The following PCDH15 variants were observed in gnomAD, a reference collection of about 807,000 sequenced individuals.
PCDH15 encodes the protein protocadherin related 15, also known as protocadherin-15.
PCDH15 carries 129 observed loss-of-function variants against 178.5 expected under a neutral mutation model. That is an observed-to-expected ratio of 0.72 (90% CI 0.63 to 0.84). PCDH15 has a LOEUF of 0.84. Among genes scored for constraint, PCDH15 ranks in the 40% least tolerant of loss-of-function variants. The probability of loss-of-function intolerance (pLI) is 0.00; values close to 1 mark genes in which losing one functional copy is unlikely to be tolerated. For synonymous variants in PCDH15, 800 were observed against 732.0 expected, an observed-to-expected ratio of 1.09 and a Z score of -1.50; for missense variants, 2,230 against 2,099.9, an observed-to-expected ratio of 1.06 and a Z score of -1.21.
chr10:54,037,253 GA>G (rs1187286801), intron 18 of PCDH15, among the ~76,000 whole-genome samples: 3 of 151,814 alleles, frequency 2.0e-5, no homozygotes, highest in Non-Finnish European at 2.9e-5. Context: ...CTCCAATTCT[GA>G]AAAAAACTTA....
chr10:54,062,260 C>CAAAAAAAAAAAAAAAAAAAAAAAAA (rs1449179864), intron 18 of PCDH15, among the ~76,000 whole-genome samples: 1 of 74,402 alleles, frequency 1.3e-5, no homozygotes, highest in East Asian at 4.1e-4. Flanking sequence ...AAACAAAAAA[C>CAAAAAAAAAAAAAAAAAAAAAAAAA]AACTAAATGA....
rs1372029669 is a variant in PCDH15 at position 54,421,863 on chromosome 10, ACACACAC to A, written c.158-42928_158-42922del. 1.6e-3 allele frequency among the ~76,000 whole-genome samples: 139 copies of A among 88,824 alleles called. 4 individuals are homozygous for A. Among genetic ancestry groups the A allele is most frequent in the African/African-American group, 7.2e-3 (129 of 17,826 alleles). The allele number at this position is 88,824 out of a possible 152,430, so 58.3% of individuals were successfully genotyped here. On this transcript the variant is annotated intron_variant, in intron 3 of 37. Coordinates refer to ENST00000644397, the MANE Select transcript of PCDH15 (RefSeq NM_001384140.1). ...ACACACACACTATATATATATATAT[ACACACAC>A]TATATATATATATACACACACACAC...
At chr10:54,814,912 C>A (rs1466447199) in intron 3 of PCDH15, among the ~76,000 whole-genome samples, 1 of 152,080 alleles carries the variant, frequency 6.6e-6, no homozygotes, top group Non-Finnish European at 1.5e-5. Context: ...TACCACCTCC[C>A]AGACATTGGA....
At chr10:53,808,924 C>T in intron 37 of PCDH15, 3 of 1,568,220 alleles carry the variant, frequency 1.9e-6, no homozygotes, top group Non-Finnish European at 2.6e-6. Context: ...AGGGTCTGTA[C>T]TTTCTTCCAC....
intron 6 of PCDH15, among the ~76,000 whole-genome samples, chr10:54,334,910 T>A (rs1304730270): frequency 6.6e-6 from 1 of 152,206 alleles, no homozygotes; most frequent in Non-Finnish European, 1.5e-5. Flanking sequence ...CTCTCTCTTC[T>A]CTCTTTGGGT....
chr10:55,018,516 A>G (rs1840241113), intron 2 of PCDH15, among the ~76,000 whole-genome samples: 1 of 151,976 alleles, frequency 6.6e-6, no homozygotes, highest in Non-Finnish European at 1.5e-5. Flanking sequence ...GTTTTCAAGT[A>G]TTTTCAATCT....
Position 54,047,981 on chromosome 10 carries a change from C to G in PCDH15, c.2220+18776G>C, listed in dbSNP as rs771260255. On this transcript the variant is annotated intron_variant, in intron 18 of 37. Transcript: ENST00000644397. ...GGTAGTTCTGTTTTTAGTTCAGCCA[C>G]TGCAGAAAGCAGTTTGGAGATATCC... 2.6e-5 allele frequency among the ~76,000 whole-genome samples: 4 copies of G among 152,148 alleles called. No homozygotes were observed. In the South Asian group the frequency reaches 6.2e-4, roughly 24 times the overall value.
Position 54,044,642 on chromosome 10 carries a change from C to CA in PCDH15, c.2221-21446dup, listed in dbSNP as rs2093622201. ...GGATGAAATGTATCATAGCAATCAG[C>CA]AAAAAACAACGTCAAATAAGCTGCT... On this transcript the variant is annotated intron_variant, in intron 18 of 37. Transcript: ENST00000644397. 2.0e-5 allele frequency among the ~76,000 whole-genome samples: 3 copies of CA among 152,092 alleles called. No homozygotes were observed. The South Asian group carries it at 6.2e-4, about 32-fold the overall frequency.
intron 31 of PCDH15, among the ~76,000 whole-genome samples, chr10:53,828,294 T>C (rs1430583424): frequency 6.6e-6 from 1 of 151,794 alleles, no homozygotes; most frequent in Non-Finnish European, 1.5e-5. Flanking sequence ...TGTTTTTGGA[T>C]TTCCTGGACA....
intron 2 of PCDH15, among the ~76,000 whole-genome samples, chr10:54,635,104 A>G (rs570875030): frequency 1.6e-3 from 248 of 151,360 alleles, no homozygotes; most frequent in African/African-American, 5.2e-3. Flanking sequence ...CACACATAAA[A>G]GTATGCCTAC....
chr10:54,089,833 A>T (rs1590349636), intron 16 of PCDH15, 151 bp downstream of exon 16: 1 of 657,692 alleles, frequency 1.5e-6, no homozygotes, highest in East Asian at 2.7e-5. Flanking sequence ...CTGGGCTCAG[A>T]ATTATCCTCC....
intron 2 of PCDH15, among the ~76,000 whole-genome samples, chr10:55,536,625 C>A (rs1489126648): frequency 6.6e-6 from 1 of 152,082 alleles, no homozygotes; most frequent in Non-Finnish European, 1.5e-5. Context: ...TCCTCTCTCA[C>A]CTGGGGAGAG....
In PCDH15 at chr10:54,379,219, C is replaced by T. The variant is rs561144956; in HGVS notation, c.158-277G>A. ...TCCCTCTAACAACATAAATCTGTTT[C>T]CCCCCATCTATCACTTCTCACAGGA... On this transcript the variant is annotated intron_variant, in intron 3 of 37. Transcript: ENST00000644397. 1.1e-4 allele frequency among the ~76,000 whole-genome samples: 17 copies of T among 152,100 alleles called. No individual in the cohort carries two copies. The East Asian group carries it at 3.3e-3, about 29-fold the overall frequency.
intron 1 of PCDH15, among the ~76,000 whole-genome samples, chr10:54,733,954 T>A (rs1360925479): frequency 6.6e-6 from 1 of 150,896 alleles, no homozygotes; most frequent in South Asian, 2.1e-4. Context: ...GTAAAGGATA[T>A]AGATATAATA....
At chr10:55,510,893 A>C (rs2132151407) in intron 2 of PCDH15, among the ~76,000 whole-genome samples, 1 of 150,518 alleles carries the variant, frequency 6.6e-6, no homozygotes, top group Admixed American at 6.7e-5. Flanking sequence ...ATAGGATCTT[A>C]CTCTTTCTAC....
Position 54,548,112 on chromosome 10 carries a change from AC to A in PCDH15, c.92-20236del, listed in dbSNP as rs1164158242. ...CGAGACTCTGTCTCAAAAAAAAAAA[AC>A]CAAAAAAACCAAAAAAAACCCATAT... On this transcript the variant is annotated intron_variant, in intron 2 of 37. Coordinates refer to ENST00000644397, the MANE Select transcript of PCDH15 (RefSeq NM_001384140.1). Among the ~76,000 whole-genome samples, 215 of 147,018 alleles carry A rather than the reference AC, an allele frequency of 1.5e-3. 3 individuals carry two copies. The highest frequency in any genetic ancestry group is 4.8e-4 in the Non-Finnish European group (32 of 66,866).
At chr10:54,861,847 A>G (rs1255693111) in intron 3 of PCDH15, among the ~76,000 whole-genome samples, 1 of 152,220 alleles carries the variant, frequency 6.6e-6, no homozygotes, top group East Asian at 1.9e-4. Context: ...TTAAAAATAC[A>G]TAAACAAATA....
chr10:55,227,192 C>G (rs1040727068), intron 1 of PCDH15, among the ~76,000 whole-genome samples: 1 of 151,890 alleles, frequency 6.6e-6, no homozygotes, highest in Non-Finnish European at 1.5e-5. Flanking sequence ...TGAAAGAGGT[C>G]AGAAATCACA....
intron 3 of PCDH15, among the ~76,000 whole-genome samples, chr10:54,396,144 T>C (rs192696118): frequency 2.8e-4 from 43 of 152,278 alleles, no homozygotes; most frequent in African/African-American, 9.4e-4. Context: ...TGAAGAGAAC[T>C]TTAGACTGTT....
Sources: allele counts gnomAD v4.1 joint callset (sites outside exome capture counted in the v4.1 genomes callset), GRCh38; gene constraint gnomAD v4.1.1; transcripts MANE v1.5; gene names NCBI Gene and HGNC (gene_info 2026-07-23, HGNC 2026-07-21).